The following TLE4 variants were observed in gnomAD, a reference collection of about 807,000 sequenced individuals.
TLE4 encodes the protein TLE family member 4, transcriptional corepressor.
A neutral mutation model predicts 92.8 loss-of-function variants in TLE4; 8 were observed. The ratio of observed to expected loss-of-function variants is 0.09; its 90% CI spans 0.05 to 0.16. The LOEUF is 0.16. Among genes scored for constraint, TLE4 ranks in the 10% least tolerant of loss-of-function variants. The probability of loss-of-function intolerance (pLI) is 1.00; values close to 1 mark genes in which losing one functional copy is unlikely to be tolerated. For synonymous variants in TLE4, 371 were observed against 374.1 expected (o/e 0.99, Z 0.10); for missense variants, 675 against 997.6 (o/e 0.68, Z 4.36).
rs781296195 is a variant in TLE4, at chr9:79,718,935, A to T, written c.1554A>T (p.Pro518=). ...TCAAGGTCTGGGACATCAGCCACCC[A>T]GGCAATAAGAGTCCTGTCTCCCAGC... ...GCVKVWDISH[P]GNKSPVSQLD... Residue 518 remains proline, a synonymous_variant, in exon 15 of 20, where the codon CCA becomes CCT. Transcript: ENST00000376552. 1.9e-6 allele frequency: 3 copies of T among 1,613,268 alleles called. No individual in the cohort carries two copies. The highest frequency in any genetic ancestry group is 2.5e-6 in the Non-Finnish European group (3 of 1,179,282).
intron 8 of TLE4, among the ~76,000 whole-genome samples, chr9:79,702,698 CAA>C (rs1446541664): frequency 2.0e-5 from 3 of 152,090 alleles, no homozygotes; most frequent in Non-Finnish European, 4.4e-5. Flanking sequence ...TATAAAACCT[CAA>C]GAGGGGCTGG....
intron 8 of TLE4, among the ~76,000 whole-genome samples, chr9:79,671,995 CTTTTTTTTTTTTT>C (rs773064446): frequency 1.8e-4 from 6 of 33,694 alleles, no homozygotes; most frequent in South Asian, 1.8e-3. Flanking sequence ...AAACAAAACA[CTTTTTTTTTTTTT>C]TTTTTTTTTT....
At chr9:79,649,234 G>C (rs1449966430) in intron 6 of TLE4, among the ~76,000 whole-genome samples, 1 of 150,096 alleles carries the variant, frequency 6.7e-6, no homozygotes, top group African/African-American at 2.5e-5. Flanking sequence ...GTTTGAAGAA[G>C]TTTGGGTGTG....
At chr9:79,705,547 C>T (rs2071299949) in intron 9 of TLE4, among the ~76,000 whole-genome samples, 1 of 152,198 alleles carries the variant, frequency 6.6e-6, no homozygotes, top group African/African-American at 2.4e-5. Flanking sequence ...CAAACCAGAC[C>T]ACACCTATCT....
At chr9:79,618,246 G>T (rs981378062) in intron 5 of TLE4, among the ~76,000 whole-genome samples, 1 of 152,152 alleles carries the variant, frequency 6.6e-6, no homozygotes, top group Non-Finnish European at 1.5e-5. Context: ...ACTGCTAATG[G>T]TTTATCTTTA....
At chr9:79,671,437 G>A (rs2297498) in intron 8 of TLE4, 193,269 of 328,298 alleles carry the variant, frequency 0.59, 60,926 homozygotes, top group East Asian at 0.7. Context: ...TTTTATTTTC[G>A]TGTCAGATTA....
At chr9:79,679,512 A>G (rs2064006182) in intron 8 of TLE4, among the ~76,000 whole-genome samples, 1 of 152,082 alleles carries the variant, frequency 6.6e-6, no homozygotes, top group Non-Finnish European at 1.5e-5. Context: ...GATTCTGGAT[A>G]TTAGCCCTTT....
chr9:79,654,421 A>G (rs1253100734), intron 8 of TLE4, among the ~76,000 whole-genome samples: 3 of 152,102 alleles, frequency 2.0e-5, no homozygotes, highest in Admixed American at 2.0e-4. Flanking sequence ...TTGGTTTGTA[A>G]AGAGATACAT....
At chr9:79,574,102 T>G (rs2036890004) in intron 2 of TLE4, 3 of 198,956 alleles carry the variant, frequency 1.5e-5, no homozygotes, top group Non-Finnish European at 3.0e-5. Context: ...TTCTGGGGCC[T>G]TTTGACATCC....
intron 6 of TLE4, among the ~76,000 whole-genome samples, chr9:79,639,416 T>G (rs1356037836): frequency 6.6e-6 from 1 of 152,194 alleles, no homozygotes; most frequent in Non-Finnish European, 1.5e-5. Context: ...AATATTTTAT[T>G]GCCTAGTGAC....
intron 6 of TLE4, among the ~76,000 whole-genome samples, chr9:79,642,678 C>T (rs1220630220): frequency 6.6e-6 from 1 of 152,108 alleles, no homozygotes; most frequent in Non-Finnish European, 1.5e-5. Context: ...CTAACGGGAT[C>T]ACTAATGGGA....
chr9:79,661,875 C>A (rs1042373448), intron 8 of TLE4, among the ~76,000 whole-genome samples: 3 of 152,106 alleles, frequency 2.0e-5, no homozygotes, highest in Non-Finnish European at 2.9e-5. Context: ...ATAAGAAATT[C>A]CCGCTCATTT....
chr9:79,643,770 C>A (rs1432165450), intron 6 of TLE4, among the ~76,000 whole-genome samples: 1 of 152,204 alleles, frequency 6.6e-6, no homozygotes, highest in East Asian at 1.9e-4. Context: ...TGTTTCCCTG[C>A]AACTTTTTAC....
intron 8 of TLE4, chr9:79,671,138 T>A (rs2062253977): frequency 4.9e-6 from 2 of 405,230 alleles, no homozygotes; most frequent in African/African-American, 2.0e-5. Context: ...ACATATTTAA[T>A]TCCATTGGGG....
intron 4 of TLE4, among the ~76,000 whole-genome samples, chr9:79,596,071 C>T (rs781502491): frequency 2.6e-5 from 4 of 152,264 alleles, no homozygotes; most frequent in Admixed American, 2.6e-4. Context: ...TGGTCTCGAT[C>T]TCCTGACCTC....
chr9:79,720,414 G>T lies in TLE4; in HGVS notation c.1838+121G>T, dbSNP rs899537278. On this transcript the variant is annotated intron_variant, in intron 16 of 19. Coordinates refer to ENST00000376552, the MANE Select transcript of TLE4 (RefSeq NM_007005.6). The stretch of plus-strand genomic sequence containing the variant: ...TGTGTGTGTGTGTGTGTGTGTGTGT[G>T]TGTGTGTGTGTAAAGTGATATAATT... 20 of 1,212,166 alleles carry T rather than the reference G, an allele frequency of 1.6e-5. No individual in the cohort carries two copies. The African/African-American group carries it at 2.4e-4, about 14-fold the overall frequency. The allele number at this position is 1,212,166 out of a possible 1,614,324, so 75.1% of individuals were successfully genotyped here.
intron 4 of TLE4, among the ~76,000 whole-genome samples, chr9:79,608,017 A>G (rs2047494948): frequency 6.6e-6 from 1 of 152,178 alleles, no homozygotes; most frequent in African/African-American, 2.4e-5. Context: ...TGTCATCTGC[A>G]AACAGAGACA....
chr9:79,722,384 A>G, intron 17 of TLE4, 67 bp from the exon 18 acceptor site: 1 of 1,552,250 alleles, frequency 6.4e-7, no homozygotes, highest in South Asian at 1.2e-5. Flanking sequence ...CAGAAGAGAT[A>G]GTACCTCCCA....
At chr9:79,590,737 C>G (rs2042335191) in intron 4 of TLE4, among the ~76,000 whole-genome samples, 1 of 152,132 alleles carries the variant, frequency 6.6e-6, no homozygotes, top group African/African-American at 2.4e-5. Context: ...ACAAATCCCA[C>G]TTTCTTAAGA....
Sources: allele counts gnomAD v4.1 joint callset (sites outside exome capture counted in the v4.1 genomes callset), GRCh38; gene constraint gnomAD v4.1.1; transcripts MANE v1.5; gene names NCBI Gene and HGNC (gene_info 2026-07-23, HGNC 2026-07-21).